The following BCKDHB variants were observed in gnomAD, a reference collection of about 807,000 sequenced individuals.
BCKDHB encodes branched chain keto acid dehydrogenase E1 subunit beta.
In BCKDHB, 41 loss-of-function variants were observed where a neutral mutation model predicts 48.5. That is an observed-to-expected ratio of 0.85 (90% CI 0.66 to 1.10). BCKDHB has a LOEUF of 1.10. Among genes scored for constraint, BCKDHB ranks in the 50% least tolerant of loss-of-function variants. The pLI, the probability that BCKDHB is intolerant of heterozygous loss-of-function variation, is 0.00. For missense variants in BCKDHB, 496 were observed against 494.2 expected (o/e 1.00, Z -0.03); for synonymous variants, 201 against 174.8 (o/e 1.15, Z -1.18).
At chr6:80,294,069 C>T (rs1767088798) in intron 9 of BCKDHB, among the ~76,000 whole-genome samples, 1 of 152,204 alleles carries the variant, frequency 6.6e-6, no homozygotes, top group Non-Finnish European at 1.5e-5. Context: ...ACTGTTCCAA[C>T]CTCTGCCTAT....
intron 8 of BCKDHB, among the ~76,000 whole-genome samples, chr6:80,208,952 A>G (rs1376768180): frequency 2.6e-5 from 4 of 151,898 alleles, no homozygotes; most frequent in Non-Finnish European, 5.9e-5. Flanking sequence ...GGACAGTATA[A>G]GAAAGGAAAA....
the BCKDHB span, among the ~76,000 whole-genome samples, chr6:80,426,304 C>A: frequency 1.5e-3 from 221 of 152,146 alleles, no homozygotes; most frequent in Middle Eastern, 6.8e-3. Flanking sequence ...GACTTAGCTT[C>A]ATTTATTTTA....
intron 8 of BCKDHB, among the ~76,000 whole-genome samples, chr6:80,256,705 C>T (rs1777067230): frequency 6.6e-6 from 1 of 152,140 alleles, no homozygotes; most frequent in African/African-American, 2.4e-5. Context: ...GCACTTCTCT[C>T]TGTGCTGGTG....
chr6:80,199,081 G>A (rs1774261707), intron 6 of BCKDHB, among the ~76,000 whole-genome samples: 2 of 152,122 alleles, frequency 1.3e-5, no homozygotes, highest in African/African-American at 4.8e-5. Context: ...CCAATTCAGA[G>A]TCTGCTGTGG....
intron 8 of BCKDHB, among the ~76,000 whole-genome samples, chr6:80,217,820 G>A (rs2127853602): frequency 6.6e-6 from 1 of 152,332 alleles, no homozygotes; most frequent in Non-Finnish European, 1.5e-5. Flanking sequence ...AAAAGTGCGT[G>A]TAGCAAACCA....
the BCKDHB span, among the ~76,000 whole-genome samples, chr6:80,433,275 C>T: frequency 6.6e-6 from 1 of 152,186 alleles, no homozygotes; most frequent in Non-Finnish European, 1.5e-5. Context: ...CACCCCTTCC[C>T]CCAGGTGCTC....
Position 80,106,897 on chromosome 6 carries a change from C to G in BCKDHB, c.196+8C>G, listed in dbSNP as rs1337392511. 10 of 1,599,666 alleles carry G rather than the reference C, an allele frequency of 6.3e-6. No individual in the cohort carries two copies. The highest frequency in any genetic ancestry group is 1.8e-4 in the Middle Eastern group (1 of 5,432). ...CGGAGCCCCGGGAGTACGGTGAGCCCTGGGACTGCCCACTCGGTCCCGCTG... is the reference window on the plus strand; with the variant it reads ...CGGAGCCCCGGGAGTACGGTGAGCCGTGGGACTGCCCACTCGGTCCCGCTG... On this transcript the variant is annotated splice_region_variant and intron_variant, in intron 1 of 9. Transcript: ENST00000320393.
At chr6:80,178,464 A>C (rs73479959) in intron 6 of BCKDHB, among the ~76,000 whole-genome samples, 3 of 152,188 alleles carry the variant, frequency 2.0e-5, no homozygotes, top group South Asian at 2.1e-4. Context: ...TTTAACACAG[A>C]TACTTCTTTT....
chr6:80,416,179 G>A, the BCKDHB span, among the ~76,000 whole-genome samples: 4 of 150,586 alleles, frequency 2.7e-5, no homozygotes, highest in South Asian at 8.4e-4. Context: ...AGTCTAGCTA[G>A]TGGTCTACCT....
the BCKDHB span, among the ~76,000 whole-genome samples, chr6:80,404,043 C>A: frequency 6.6e-6 from 1 of 151,644 alleles, no homozygotes; most frequent in Non-Finnish European, 1.5e-5. Context: ...GTTTTCTTTT[C>A]TTGTAATGTG....
intron 8 of BCKDHB, 38 bp downstream of exon 8, chr6:80,203,250 A>G: frequency 7.1e-7 from 1 of 1,398,742 alleles, no homozygotes; most frequent in South Asian, 1.2e-5. Flanking sequence ...ATTTCCCTGA[A>G]ACCTTTGGCC....
chr6:80,372,310 A>T, the BCKDHB span, among the ~76,000 whole-genome samples: 1 of 152,080 alleles, frequency 6.6e-6, no homozygotes, highest in Admixed American at 6.5e-5. Flanking sequence ...GTGTACATTA[A>T]TTTTGTATCC....
chr6:80,273,773 T>G (rs1453361252), intron 9 of BCKDHB, among the ~76,000 whole-genome samples: 1 of 152,004 alleles, frequency 6.6e-6, no homozygotes, highest in Non-Finnish European at 1.5e-5. Context: ...AACCTATGTT[T>G]TTTTAAAAAA....
At chr6:80,444,145 G>T in the BCKDHB span, among the ~76,000 whole-genome samples, 1 of 151,954 alleles carries the variant, frequency 6.6e-6, no homozygotes, top group African/African-American at 2.4e-5. Context: ...GAGTTGAAAT[G>T]GAGGAAAATG....
Position 80,318,586 on chromosome 6 carries a change from G to A in BCKDHB, c.1039-25078G>A, listed in dbSNP as rs1161865143. Reference sequence around the variant, plus strand: ...TGTAGTCCCAGCTACTCAGGAGGCTGAGGCAGGAGAATTGCTTGAACCCGG... The same window carrying A: ...TGTAGTCCCAGCTACTCAGGAGGCTAAGGCAGGAGAATTGCTTGAACCCGG... On this transcript the variant is annotated intron_variant, in intron 9 of 9. Transcript: ENST00000320393. 2.6e-5 allele frequency among the ~76,000 whole-genome samples: 4 copies of A among 151,968 alleles called. 1 individual carries two copies. Among genetic ancestry groups the A allele is most frequent in the South Asian group, 4.2e-4 (2 of 4,810 alleles).
chr6:80,277,098 CACAT>C (rs767205777), intron 9 of BCKDHB, among the ~76,000 whole-genome samples: 6 of 152,046 alleles, frequency 3.9e-5, no homozygotes, highest in Non-Finnish European at 8.8e-5. Context: ...TTTTACTTGA[CACAT>C]ACTATAACTT....
chr6:80,426,808 A>T, the BCKDHB span, among the ~76,000 whole-genome samples: 1 of 152,134 alleles, frequency 6.6e-6, no homozygotes, highest in Non-Finnish European at 1.5e-5. Context: ...TGTGTGAGAG[A>T]GTATACTATA....
the BCKDHB span, among the ~76,000 whole-genome samples, chr6:80,430,071 T>G: frequency 6.6e-6 from 1 of 152,238 alleles, no homozygotes; most frequent in Non-Finnish European, 1.5e-5. Flanking sequence ...GTTTTTAGCA[T>G]GAAGGGCTGT....
the BCKDHB span, among the ~76,000 whole-genome samples, chr6:80,387,031 G>A: frequency 6.6e-6 from 1 of 152,138 alleles, no homozygotes; most frequent in Non-Finnish European, 1.5e-5. Context: ...TGTGCATTGG[G>A]TAAAGGGAAA....
Sources: allele counts gnomAD v4.1 joint callset (sites outside exome capture counted in the v4.1 genomes callset), GRCh38; gene constraint gnomAD v4.1.1; transcripts MANE v1.5; gene names NCBI Gene and HGNC (gene_info 2026-07-23, HGNC 2026-07-21).